Variants in RTTN observed in about 807,000 individuals in gnomAD.
RTTN encodes the protein rotatin.
A neutral mutation model predicts 269.2 loss-of-function variants in RTTN; 182 were observed. The observed-to-expected ratio is 0.68, with a 90% confidence interval of 0.60 to 0.76. The LOEUF is 0.76. RTTN is among the 30% of genes least tolerant of loss of function. RTTN has a pLI of 0.00. For synonymous variants in RTTN, 1,006 were observed against 963.5 expected (o/e 1.04, Z -0.82); for missense variants, 2,545 against 2,608.6 (o/e 0.98, Z 0.53).
chr18:70,074,013 T>C lies in RTTN; in HGVS notation c.4565-19A>G. 6.5e-7 allele frequency: 1 copy of C among 1,539,848 alleles called. No individual in the cohort carries two copies. Among genetic ancestry groups the C allele is most frequent in the African/African-American group, 1.4e-5 (1 of 73,356 alleles). On this transcript the variant is annotated intron_variant, in intron 33 of 48. Transcript: ENST00000640769. ...TCTAAACCTGCAACAACGAGAAAATTGTTAACATGGACACCCTCCTAGGAA... is the reference window on the plus strand; with the variant it reads ...TCTAAACCTGCAACAACGAGAAAATCGTTAACATGGACACCCTCCTAGGAA...
chr18:70,055,464 A>C (rs779127148), intron 37 of RTTN, among the ~76,000 whole-genome samples: 5 of 151,956 alleles, frequency 3.3e-5, no homozygotes, highest in Non-Finnish European at 7.4e-5. Flanking sequence ...GTTCTGCCCT[A>C]CTTCTCCTGA....
At chr18:70,166,595 T>G in intron 13 of RTTN, 1 of 210,770 alleles carries the variant, frequency 4.7e-6, no homozygotes, top group Non-Finnish European at 9.3e-6. Flanking sequence ...ACTCTCAGTT[T>G]AAGTTATTAA....
Position 70,127,522 on chromosome 18 carries a change from A to G in RTTN, c.3363T>C (p.Ala1121=). The change falls in exon 25 of 49, where the codon GCT becomes GCC. Residue 1121 remains alanine, a synonymous_variant. Transcript: ENST00000640769. ...GPCGVTLKSL[A]WHTALNRFLQ... Reference sequence around the variant, plus strand: ...CTGACCTGTTTAGTGCGGTGTGCCAAGCCAAGGACTTCAAGGTAACCCCAC... The same window carrying G: ...CTGACCTGTTTAGTGCGGTGTGCCAGGCCAAGGACTTCAAGGTAACCCCAC... 6.2e-7 allele frequency: 1 copy of G among 1,613,408 alleles called. No homozygotes were observed. The highest frequency in any genetic ancestry group is 1.3e-5 in the African/African-American group (1 of 74,986).
At chr18:70,139,545 A>G in intron 21 of RTTN, 54 bp downstream of exon 21, 1 of 1,116,108 alleles carries the variant, frequency 9.0e-7, no homozygotes, top group South Asian at 1.4e-5. Flanking sequence ...ATTAAAGAAG[A>G]AACACTTAAA....
intron 23 of RTTN, among the ~76,000 whole-genome samples, chr18:70,134,135 G>C (rs2060063955): frequency 6.6e-6 from 1 of 151,882 alleles, no homozygotes; most frequent in Non-Finnish European, 1.5e-5. Flanking sequence ...CCAATTGGTG[G>C]GTGAGGGAGA....
intron 11 of RTTN, among the ~76,000 whole-genome samples, chr18:70,175,630 G>A (rs1286059606): frequency 1.7e-4 from 3 of 17,338 alleles, no homozygotes; most frequent in East Asian, 1.9e-3. Flanking sequence ...AAATGCATGG[G>A]ACCAAAAAAA....
chr18:70,047,108 T>C (rs2057512959), intron 40 of RTTN, among the ~76,000 whole-genome samples: 1 of 152,162 alleles, frequency 6.6e-6, no homozygotes, highest in Admixed American at 6.5e-5. Context: ...GGAACAATCT[T>C]CTAAGCAACA....
chr18:70,019,091 A>T (rs1390681582), intron 45 of RTTN, among the ~76,000 whole-genome samples: 1 of 152,190 alleles, frequency 6.6e-6, no homozygotes, highest in African/African-American at 2.4e-5. Context: ...TAATTAGAGC[A>T]GAGGAAAAAG....
At chr18:70,131,066 C>T (rs894943014) in intron 23 of RTTN, 1 of 149,746 alleles carries the variant, frequency 6.7e-6, no homozygotes, top group African/African-American at 2.5e-5. Context: ...AATGTTCCTA[C>T]AAAAAAATGG....
chr18:70,031,799 G>C (rs979756824), intron 40 of RTTN, among the ~76,000 whole-genome samples: 3 of 151,724 alleles, frequency 2.0e-5, no homozygotes, highest in Non-Finnish European at 4.4e-5. Context: ...GGAGGGCATC[G>C]AGAGCAGATG....
intron 14 of RTTN, among the ~76,000 whole-genome samples, chr18:70,159,600 C>T (rs1038659343): frequency 6.6e-6 from 1 of 151,992 alleles, no homozygotes; most frequent in Non-Finnish European, 1.5e-5. Context: ...CTGAATGAAA[C>T]TGAGACACAA....
intron 12 of RTTN, among the ~76,000 whole-genome samples, chr18:70,167,700 T>A: frequency 1.4e-5 from 2 of 139,972 alleles, no homozygotes; most frequent in African/African-American, 2.7e-5. Flanking sequence ...TGAGATTTCG[T>A]CTCAAAAAAA....
chr18:70,075,996 AT>A lies in RTTN; in HGVS notation c.4375-456del, dbSNP rs1310825721. 5.9e-5 allele frequency among the ~76,000 whole-genome samples: 9 copies of A among 152,084 alleles called. No homozygotes were observed. In the East Asian group the frequency reaches 1.7e-3, roughly 29 times the overall value. ...CCAGGTAAAATGAAAAGGTCCATCA[AT>A]ATCCATATGGCAAAATCTGTCACAT... On this transcript the variant is annotated intron_variant, in intron 32 of 48. Transcript: ENST00000640769.
intron 6 of RTTN, among the ~76,000 whole-genome samples, chr18:70,197,125 C>A (rs1278926318): frequency 1.3e-5 from 2 of 152,120 alleles, no homozygotes; most frequent in South Asian, 2.1e-4. Context: ...GAGTGTGGAG[C>A]GAGAATGCTG....
intron 16 of RTTN, 106 bp from the exon 17 acceptor site, chr18:70,149,143 T>C: frequency 1.1e-6 from 1 of 889,472 alleles, no homozygotes; most frequent in Non-Finnish European, 1.7e-6. Context: ...TAAATGTCTT[T>C]GGATTCAGTT....
At chr18:70,032,852 C>T (rs1273148513) in intron 40 of RTTN, among the ~76,000 whole-genome samples, 1 of 152,194 alleles carries the variant, frequency 6.6e-6, no homozygotes, top group African/African-American at 2.4e-5. Context: ...ACAGAACTCC[C>T]CACCAGAATA....
At chr18:70,010,837 C>CT in intron 46 of RTTN, among the ~76,000 whole-genome samples, 1 of 152,118 alleles carries the variant, frequency 6.6e-6, no homozygotes, top group Non-Finnish European at 1.5e-5. Flanking sequence ...AGATAGACCA[C>CT]TAGCCTGACT....
At position 70,196,657 on chromosome 18, in the gene RTTN, A is replaced by G; in HGVS notation, c.694-9T>C. The G allele has an allele frequency of 6.2e-7, 1 of 1,605,840 alleles. No individual in the cohort carries two copies. The highest frequency in any genetic ancestry group is 8.5e-7 in the Non-Finnish European group (1 of 1,178,028). ...AACAGAGATAAAAGGCTCTGAAATCAAGAAGAGCCGTGAAAATTACTAAGG... is the reference window on the plus strand; with the variant it reads ...AACAGAGATAAAAGGCTCTGAAATCGAGAAGAGCCGTGAAAATTACTAAGG... On this transcript the variant is annotated splice_polypyrimidine_tract_variant and intron_variant, in intron 6 of 48. Transcript: ENST00000640769.
At chr18:70,047,012 C>T (rs926193356) in intron 40 of RTTN, among the ~76,000 whole-genome samples, 18 of 152,206 alleles carry the variant, frequency 1.2e-4, no homozygotes, top group Non-Finnish European at 2.2e-4. Flanking sequence ...CCAGAAATAT[C>T]TGCATGATCA....
Sources: gnomAD v4.1 joint callset for allele counts (sites outside exome capture counted in the v4.1 genomes callset) on GRCh38, gnomAD v4.1.1 for gene constraint, MANE v1.5 for transcripts, NCBI Gene and HGNC (gene_info 2026-07-23, HGNC 2026-07-21) for gene names.